SUGCT: variants seen among roughly 807,000 people sequenced by gnomAD.
The protein encoded by SUGCT is succinyl-CoA:glutarate CoA-transferase.
A neutral mutation model predicts 55.0 loss-of-function variants in SUGCT; 41 were observed. That is an observed-to-expected ratio of 0.74 (90% CI 0.58 to 0.97). The LOEUF is 0.97. Ranked by LOEUF, SUGCT falls within the 50% of genes least tolerant of loss-of-function variation. The probability of loss-of-function intolerance (pLI) is 0.00; values close to 1 mark genes in which losing one functional copy is unlikely to be tolerated. For synonymous variants in SUGCT, 187 were observed against 200.4 expected (o/e 0.93, Z 0.56); for missense variants, 568 against 547.8 (o/e 1.04, Z -0.37).
chr7:40,584,079 C>T (rs1365287678), intron 12 of SUGCT, among the ~76,000 whole-genome samples: 1 of 152,102 alleles, frequency 6.6e-6, no homozygotes, highest in African/African-American at 2.4e-5. Context: ...TACAGTGTGG[C>T]GTCGAATGTA....
At chr7:40,942,370 A>T in the SUGCT span, among the ~76,000 whole-genome samples, 1 of 152,158 alleles carries the variant, frequency 6.6e-6, no homozygotes, top group Non-Finnish European at 1.5e-5. Flanking sequence ...ATTCCATTTG[A>T]GGATGCTAAA....
chr7:40,974,407 T>A, the SUGCT span, among the ~76,000 whole-genome samples: 937 of 152,266 alleles, frequency 6.2e-3, 16 homozygotes, highest in African/African-American at 0.021. Context: ...GATGCCCTTA[T>A]AGAAAGAGAA....
chr7:40,969,083 G>A, the SUGCT span, among the ~76,000 whole-genome samples: 1 of 152,196 alleles, frequency 6.6e-6, no homozygotes, highest in Non-Finnish European at 1.5e-5. Context: ...ACCTGTAATG[G>A]CAAAGAAGTT....
the SUGCT span, among the ~76,000 whole-genome samples, chr7:41,003,179 T>C: frequency 6.6e-6 from 1 of 152,256 alleles, no homozygotes; most frequent in South Asian, 2.1e-4. Context: ...TATTCTGACA[T>C]CTAAGTCCTT....
In SUGCT at chr7:40,638,780, G is replaced by A. The variant is rs550721138; in HGVS notation, c.1090-110654G>A. ...GATTGCCTTCTGGAGGTGTGATGGG[G>A]ATAAACAGGTCATGACTGGGTGAAG... On this transcript the variant is annotated intron_variant, in intron 12 of 13. Transcript: ENST00000335693. Among the ~76,000 whole-genome samples, 19 of 152,208 alleles carry A rather than the reference G, an allele frequency of 1.2e-4. No homozygotes were observed. The East Asian group carries it at 2.5e-3, about 20-fold the overall frequency.
chr7:40,147,641 T>C (rs1788327106), intron 1 of SUGCT, among the ~76,000 whole-genome samples: 1 of 152,236 alleles, frequency 6.6e-6, no homozygotes, highest in Non-Finnish European at 1.5e-5. Context: ...GTGAGGATTC[T>C]TTAAGCTAGG....
chr7:40,219,285 C>T (rs778482267), intron 6 of SUGCT, among the ~76,000 whole-genome samples: 42 of 152,236 alleles, frequency 2.8e-4, no homozygotes, highest in Non-Finnish European at 4.9e-4. Flanking sequence ...ACACTCACCG[C>T]GAGGGTCCGC....
chr7:40,970,477 C>G, the SUGCT span, among the ~76,000 whole-genome samples: 3 of 152,066 alleles, frequency 2.0e-5, no homozygotes, highest in Non-Finnish European at 2.9e-5. Flanking sequence ...TGGCCAGACT[C>G]TATGGTTTTA....
rs925190676 is a variant in SUGCT at position 40,440,311 on chromosome 7, C to A, written c.817-8976C>A. 4.0e-5 allele frequency among the ~76,000 whole-genome samples: 6 copies of A among 151,830 alleles called. 1 individual carries two copies. Among genetic ancestry groups the A allele is most frequent in the Middle Eastern group, 6.8e-3 (2 of 294 alleles). ...AGTAGCTGGGACTACAGGCATGCAC[C>A]ACTACGCCTGGCTAATTTTTGTATT... On this transcript the variant is annotated intron_variant, in intron 9 of 13. Coordinates refer to ENST00000335693, the MANE Select transcript of SUGCT (RefSeq NM_001193313.2).
chr7:40,286,444 T>A (rs923376472), intron 8 of SUGCT, among the ~76,000 whole-genome samples: 9 of 152,128 alleles, frequency 5.9e-5, no homozygotes, highest in African/African-American at 1.9e-4. Context: ...CATCTCAAGA[T>A]CTTTAATGTT....
At chr7:40,897,760 T>C in the SUGCT span, among the ~76,000 whole-genome samples, 2 of 152,138 alleles carry the variant, frequency 1.3e-5, no homozygotes, top group Non-Finnish European at 2.9e-5. Flanking sequence ...AACCTTTGTG[T>C]CTAGCTAAAG....
At chr7:40,923,371 A>G in the SUGCT span, among the ~76,000 whole-genome samples, 11 of 152,224 alleles carry the variant, frequency 7.2e-5, no homozygotes, top group Non-Finnish European at 1.6e-4. Flanking sequence ...GGCATTTAGC[A>G]GTTTTGACAA....
chr7:40,924,653 C>T, the SUGCT span, among the ~76,000 whole-genome samples: 2 of 152,188 alleles, frequency 1.3e-5, no homozygotes, highest in African/African-American at 4.8e-5. Flanking sequence ...TCAGCTCTCT[C>T]CTTCAACTAG....
At chr7:40,578,206 A>G (rs564878339) in intron 12 of SUGCT, among the ~76,000 whole-genome samples, 1 of 152,230 alleles carries the variant, frequency 6.6e-6, no homozygotes, top group East Asian at 1.9e-4. Context: ...ACAAATTATC[A>G]TTTGCCAGAG....
At chr7:40,451,543 A>T (rs1444948551) in intron 10 of SUGCT, among the ~76,000 whole-genome samples, 1 of 152,190 alleles carries the variant, frequency 6.6e-6, no homozygotes, top group African/African-American at 2.4e-5. Context: ...TGATTTTCTC[A>T]TATGAGAGTT....
In SUGCT at chr7:40,450,954, T is replaced by C. The variant is rs187718075; in HGVS notation, c.888+1596T>C. On this transcript the variant is annotated intron_variant, in intron 10 of 13. Coordinates refer to ENST00000335693, the MANE Select transcript of SUGCT (RefSeq NM_001193313.2). ...GCTGACAAATGGAGATAGTTCTGAT[T>C]GCAGGAAGGGCTGAAACATCTGAGG... Among the ~76,000 whole-genome samples the C allele has an allele frequency of 7.9e-5, 12 of 152,250 alleles. No homozygotes were observed. The East Asian group carries it at 2.3e-3, about 29-fold the overall frequency.
chr7:40,238,371 G>T (rs1317266658), intron 7 of SUGCT, among the ~76,000 whole-genome samples: 1 of 151,726 alleles, frequency 6.6e-6, no homozygotes, highest in Non-Finnish European at 1.5e-5. Flanking sequence ...CCAAAATGTG[G>T]TTGGTTAGAT....
At chr7:40,587,258 C>T (rs1797432895) in intron 12 of SUGCT, among the ~76,000 whole-genome samples, 1 of 152,050 alleles carries the variant, frequency 6.6e-6, no homozygotes. Flanking sequence ...ACTCAGAGAA[C>T]TGTGAACAAA....
chr7:40,307,245 C>G (rs969914764), intron 8 of SUGCT, among the ~76,000 whole-genome samples: 3 of 152,112 alleles, frequency 2.0e-5, no homozygotes, highest in Non-Finnish European at 2.9e-5. Flanking sequence ...GAAGCCAAAC[C>G]ATATTTGCAG....
Sources: gnomAD v4.1 joint callset for allele counts (sites outside exome capture counted in the v4.1 genomes callset) on GRCh38, gnomAD v4.1.1 for gene constraint, MANE v1.5 for transcripts, NCBI Gene and HGNC (gene_info 2026-07-23, HGNC 2026-07-21) for gene names.